Variants in RPS6KC1 observed in about 807,000 individuals in gnomAD.
RPS6KC1 encodes ribosomal protein S6 kinase C1.
RPS6KC1 carries 54 observed loss-of-function variants against 103.8 expected under a neutral mutation model. That is an observed-to-expected ratio of 0.52 (90% confidence interval 0.42 to 0.65). The LOEUF is 0.65. Among genes scored for constraint, RPS6KC1 ranks in the 30% least tolerant of loss-of-function variants. The pLI is 0.00. For synonymous variants in RPS6KC1, 439 were observed against 438.7 expected, an observed-to-expected ratio of 1.00 and a Z score of -0.01; for missense variants, 1,151 against 1,253.8, an observed-to-expected ratio of 0.92 and a Z score of 1.24.
chr1:213,397,749 G>A, the RPS6KC1 span, among the ~76,000 whole-genome samples: 1,629 of 152,270 alleles, frequency 0.011, 26 homozygotes, highest in African/African-American at 0.038. Context: ...ATGGACTCAA[G>A]CTTCAAAGAG....
chr1:213,433,806 C>G, the RPS6KC1 span, among the ~76,000 whole-genome samples: 1 of 152,122 alleles, frequency 6.6e-6, no homozygotes, highest in Admixed American at 6.5e-5. Context: ...TGTTTGGTTA[C>G]TATTATTGAG....
chr1:213,136,012 A>G (rs2086230449), intron 6 of RPS6KC1, among the ~76,000 whole-genome samples: 1 of 152,240 alleles, frequency 6.6e-6, no homozygotes, highest in Non-Finnish European at 1.5e-5. Flanking sequence ...ACATTGTTTT[A>G]GTCCATCTGA....
the RPS6KC1 span, among the ~76,000 whole-genome samples, chr1:213,326,063 C>T: frequency 6.6e-6 from 1 of 152,018 alleles, no homozygotes; most frequent in African/African-American, 2.4e-5. Flanking sequence ...CTGTTTTGCC[C>T]ATTCAAGAAA....
At chr1:213,781,128 G>A in the RPS6KC1 span, among the ~76,000 whole-genome samples, 1 of 152,212 alleles carries the variant, frequency 6.6e-6, no homozygotes, top group Admixed American at 6.5e-5. Flanking sequence ...GTGCAGACAG[G>A]TGGAGGCAAG....
At chr1:213,821,829 A>T in the RPS6KC1 span, 1 of 152,292 alleles carries the variant, frequency 6.6e-6, no homozygotes, top group Non-Finnish European at 1.5e-5. Flanking sequence ...CAAGAAATGC[A>T]TATGTGACAT....
chr1:213,403,474 A>G, the RPS6KC1 span, among the ~76,000 whole-genome samples: 1 of 152,258 alleles, frequency 6.6e-6, no homozygotes, highest in South Asian at 2.1e-4. Context: ...TATGATACCA[A>G]TGCCTTGTGA....
the RPS6KC1 span, among the ~76,000 whole-genome samples, chr1:213,855,547 G>A: frequency 6.6e-6 from 1 of 152,172 alleles, no homozygotes; most frequent in South Asian, 2.1e-4. Flanking sequence ...CTGTCCTTGG[G>A]TGCCTTCCCT....
the RPS6KC1 span, among the ~76,000 whole-genome samples, chr1:213,328,541 TC>T: frequency 0.02 from 2,502 of 126,912 alleles, 27 homozygotes; most frequent in Non-Finnish European, 0.026. Flanking sequence ...TATATATATA[TC>T]ACACACACAC....
the RPS6KC1 span, among the ~76,000 whole-genome samples, chr1:213,807,782 A>G: frequency 1.9e-4 from 29 of 152,194 alleles, no homozygotes; most frequent in Non-Finnish European, 3.2e-4. Flanking sequence ...ATCTCATCAA[A>G]GTCATTCTCC....
At chr1:213,277,002 T>C (rs1044223039), downstream of RPS6KC1, among the ~76,000 whole-genome samples, 2 of 152,234 alleles carry the variant, frequency 1.3e-5, no homozygotes, top group Non-Finnish European at 2.9e-5. Context: ...AATGGATACT[T>C]TCTGTTCCTA....
At chr1:213,319,143 T>TAAAAA in the RPS6KC1 span, among the ~76,000 whole-genome samples, 1 of 151,906 alleles carries the variant, frequency 6.6e-6, no homozygotes, top group African/African-American at 2.4e-5. Context: ...CCATCTCTAC[T>TAAAAA]AAAAATACAA....
intron 8 of RPS6KC1, among the ~76,000 whole-genome samples, chr1:213,216,140 A>C (rs6419470): frequency 6.6e-6 from 1 of 151,944 alleles, no homozygotes; most frequent in Non-Finnish European, 1.5e-5. Flanking sequence ...CCCATCTCAC[A>C]TGCAGAGACA....
the RPS6KC1 span, among the ~76,000 whole-genome samples, chr1:213,401,551 G>A: frequency 1.3e-5 from 2 of 152,140 alleles, no homozygotes; most frequent in Non-Finnish European, 2.9e-5. Context: ...TGGAAATGTG[G>A]GAGGAGATGT....
At chr1:213,780,888 T>G in the RPS6KC1 span, among the ~76,000 whole-genome samples, 1 of 152,152 alleles carries the variant, frequency 6.6e-6, no homozygotes, top group African/African-American at 2.4e-5. Context: ...CTGGATGTGG[T>G]GGCGTGCACC....
intron 6 of RPS6KC1, among the ~76,000 whole-genome samples, chr1:213,152,468 T>A (rs1324269028): frequency 6.7e-6 from 1 of 148,240 alleles, no homozygotes. Flanking sequence ...GCGGAGGGGC[T>A]CCTCACTTCC....
the RPS6KC1 span, among the ~76,000 whole-genome samples, chr1:213,478,749 C>T: frequency 6.6e-6 from 1 of 152,014 alleles, no homozygotes. Context: ...AGAAGACAAT[C>T]TTTTATCAGA....
intron 8 of RPS6KC1, among the ~76,000 whole-genome samples, chr1:213,228,966 C>T (rs1205520112): frequency 6.6e-6 from 1 of 152,078 alleles, no homozygotes; most frequent in African/African-American, 2.4e-5. Context: ...AATCCTGGAT[C>T]AGTCACTTGT....
chr1:213,101,668 A>G (rs1345694303), intron 3 of RPS6KC1, among the ~76,000 whole-genome samples: 1 of 152,168 alleles, frequency 6.6e-6, no homozygotes, highest in Non-Finnish European at 1.5e-5. Context: ...GCATTTAAAG[A>G]TATTCTCAGG....
chr1:213,182,658 G>T (rs1037827772), intron 8 of RPS6KC1, among the ~76,000 whole-genome samples: 1 of 151,098 alleles, frequency 6.6e-6, no homozygotes, highest in African/African-American at 2.4e-5. Flanking sequence ...AAAAAACAGA[G>T]ATTGATATTG....
Sources: allele counts gnomAD v4.1 joint callset (sites outside exome capture counted in the v4.1 genomes callset), GRCh38; gene constraint gnomAD v4.1.1; transcripts MANE v1.5; gene names NCBI Gene and HGNC (gene_info 2026-07-23, HGNC 2026-07-21).